Variants in NRXN3 observed in about 807,000 individuals in gnomAD.
The protein encoded by NRXN3 is neurexin III.
In NRXN3, 32 loss-of-function variants were observed where a neutral mutation model predicts 137.6. That is an observed-to-expected ratio of 0.23 (90% CI 0.18 to 0.31). The LOEUF is 0.31. Among genes scored for constraint, NRXN3 ranks in the 10% least tolerant of loss-of-function variants. The pLI is 1.00. For synonymous variants in NRXN3, 798 were observed against 784.5 expected, an observed-to-expected ratio of 1.02 and a Z score of -0.29; for missense variants, 1,574 against 2,062.5, an observed-to-expected ratio of 0.76 and a Z score of 4.59.
intron 1 of NRXN3, among the ~76,000 whole-genome samples, chr14:78,195,658 G>A (rs183011599): frequency 5.8e-4 from 88 of 152,292 alleles, no homozygotes; most frequent in African/African-American, 2.0e-3. Context: ...AACTGCGGGC[G>A]TCTTGGGTGG....
At chr14:78,394,238 T>A (rs1368180793) in intron 4 of NRXN3, among the ~76,000 whole-genome samples, 2 of 151,978 alleles carry the variant, frequency 1.3e-5, no homozygotes, top group African/African-American at 4.8e-5. Flanking sequence ...TAGCTGCTCT[T>A]TATTAAGATG....
intron 15 of NRXN3, chr14:79,247,144 A>G (rs2075302585): frequency 6.6e-6 from 1 of 152,158 alleles, no homozygotes; most frequent in Non-Finnish European, 1.5e-5. Flanking sequence ...TAGATGTGTT[A>G]CATAATACTA....
chr14:78,665,763 A>G (rs2097880150), intron 6 of NRXN3, among the ~76,000 whole-genome samples: 1 of 152,190 alleles, frequency 6.6e-6, no homozygotes, highest in South Asian at 2.1e-4. Flanking sequence ...ACATTCAAGA[A>G]AAGTCCAGGA....
chr14:78,257,726 G>T (rs914541961), intron 2 of NRXN3, among the ~76,000 whole-genome samples: 8 of 152,216 alleles, frequency 5.3e-5, no homozygotes, highest in African/African-American at 1.9e-4. Context: ...TGTCTTAACT[G>T]CTTTGTAGGG....
chr14:78,397,590 T>C (rs2091598755), intron 4 of NRXN3, among the ~76,000 whole-genome samples: 1 of 151,924 alleles, frequency 6.6e-6, no homozygotes, highest in Non-Finnish European at 1.5e-5. Context: ...ACTATACTCC[T>C]TGAAGCACTT....
intron 4 of NRXN3, among the ~76,000 whole-genome samples, chr14:78,472,797 T>C (rs2095301234): frequency 6.6e-6 from 1 of 152,316 alleles, no homozygotes; most frequent in South Asian, 2.1e-4. Context: ...ATTCTGCCAC[T>C]GTGCTGGCTT....
chr14:78,924,110 G>A lies in NRXN3; in HGVS notation c.2276-33132G>A, dbSNP rs926915901. ...ACCAAATACAAAAAATTAGCAGGGCGTGGTGGCACACGCCTATAATCCCAG... is the reference window on the plus strand; with the variant it reads ...ACCAAATACAAAAAATTAGCAGGGCATGGTGGCACACGCCTATAATCCCAG... On this transcript the variant is annotated intron_variant, in intron 10 of 20. Coordinates refer to ENST00000335750, the MANE Select transcript of NRXN3 (RefSeq NM_001330195.2). 6.6e-5 allele frequency among the ~76,000 whole-genome samples: 10 copies of A among 152,160 alleles called. No individual in the cohort carries two copies. The East Asian group carries it at 9.7e-4, about 15-fold the overall frequency.
intron 15 of NRXN3, among the ~76,000 whole-genome samples, chr14:79,438,486 G>A (rs2095878680): frequency 6.6e-6 from 1 of 152,150 alleles, no homozygotes; most frequent in Non-Finnish European, 1.5e-5. Context: ...CTTTATTAAT[G>A]TATGGATTTT....
At chr14:79,106,471 C>A (rs2152863470) in intron 15 of NRXN3, among the ~76,000 whole-genome samples, 1 of 151,420 alleles carries the variant, frequency 6.6e-6, no homozygotes, top group Non-Finnish European at 1.5e-5. Context: ...TTCTGCATTT[C>A]TAAGAATAAA....
At chr14:79,664,935 T>C (rs1168091394) in intron 17 of NRXN3, among the ~76,000 whole-genome samples, 1 of 152,152 alleles carries the variant, frequency 6.6e-6, no homozygotes, top group East Asian at 1.9e-4. Context: ...CTCACCACTT[T>C]TCTCTAACTT....
At chr14:78,861,829 C>T (rs938459209) in intron 10 of NRXN3, among the ~76,000 whole-genome samples, 1 of 152,174 alleles carries the variant, frequency 6.6e-6, no homozygotes, top group African/African-American at 2.4e-5. Context: ...AGTTCTCACT[C>T]AGGCTTTCTA....
intron 19 of NRXN3, among the ~76,000 whole-genome samples, chr14:79,767,712 C>T (rs1228736836): frequency 6.6e-6 from 1 of 152,128 alleles, no homozygotes; most frequent in African/African-American, 2.4e-5. Context: ...AGTAAGTCAC[C>T]CAAAGTTACA....
At chr14:78,939,894 C>G (rs2099349697) in intron 10 of NRXN3, among the ~76,000 whole-genome samples, 1 of 152,220 alleles carries the variant, frequency 6.6e-6, no homozygotes, top group South Asian at 2.1e-4. Context: ...TCAATTTGCT[C>G]CCTACGCTTT....
At chr14:79,761,718 A>C (rs1434777245) in intron 19 of NRXN3, among the ~76,000 whole-genome samples, 5 of 150,218 alleles carry the variant, frequency 3.3e-5, no homozygotes, top group Non-Finnish European at 7.4e-5. Flanking sequence ...AATAGATCTC[A>C]CTAGAAGTAT....
intron 4 of NRXN3, among the ~76,000 whole-genome samples, chr14:78,604,281 G>A (rs1325187850): frequency 6.7e-6 from 1 of 149,834 alleles, no homozygotes. Flanking sequence ...GCCAAACCAT[G>A]TCATCCTCTC....
At chr14:78,851,288 A>G (rs953288873) in intron 10 of NRXN3, among the ~76,000 whole-genome samples, 1 of 152,176 alleles carries the variant, frequency 6.6e-6, no homozygotes, top group Non-Finnish European at 1.5e-5. Flanking sequence ...TTTTTACGGT[A>G]TAAATACTCC....
At chr14:78,866,367 G>A (rs988381136) in intron 10 of NRXN3, among the ~76,000 whole-genome samples, 2 of 152,126 alleles carry the variant, frequency 1.3e-5, no homozygotes, top group African/African-American at 4.8e-5. Flanking sequence ...TGAAAAATCA[G>A]CATTATTTTG....
intron 15 of NRXN3, among the ~76,000 whole-genome samples, chr14:79,018,607 C>T (rs2099583771): frequency 6.6e-6 from 1 of 152,144 alleles, no homozygotes; most frequent in African/African-American, 2.4e-5. Flanking sequence ...CTCTCACTCT[C>T]CTTTACAGAG....
At chr14:79,536,963 G>A (rs1379055352) in intron 16 of NRXN3, among the ~76,000 whole-genome samples, 1 of 152,022 alleles carries the variant, frequency 6.6e-6, no homozygotes, top group Non-Finnish European at 1.5e-5. Context: ...ATGTTCCTTT[G>A]GGTATACATC....
Sources: allele counts gnomAD v4.1 joint callset (sites outside exome capture counted in the v4.1 genomes callset), GRCh38; gene constraint gnomAD v4.1.1; transcripts MANE v1.5; gene names NCBI Gene and HGNC (gene_info 2026-07-23, HGNC 2026-07-21).